DLC1: variants seen among roughly 807,000 people sequenced by gnomAD.
The protein encoded by DLC1 is rho GTPase-activating protein 7.
A neutral mutation model predicts 140.3 loss-of-function variants in DLC1; 54 were observed. The ratio of observed to expected loss-of-function variants is 0.38; its 90% confidence interval spans 0.31 to 0.48. The LOEUF (loss-of-function observed/expected upper bound fraction) is 0.48, where lower values mean the gene tolerates loss of function less well. DLC1 is among the 20% of genes least tolerant of loss of function. The probability of loss-of-function intolerance (pLI) is 0.96; values close to 1 mark genes in which losing one functional copy is unlikely to be tolerated. For synonymous variants in DLC1, 986 were observed against 728.1 expected (o/e 1.35, Z -5.70); for missense variants, 2,536 against 1,907.0 (o/e 1.33, Z -6.14).
At chr8:13,379,234 C>A (rs991197574) in intron 4 of DLC1, among the ~76,000 whole-genome samples, 1 of 152,130 alleles carries the variant, frequency 6.6e-6, no homozygotes, top group East Asian at 1.9e-4. Context: ...TTTTTACTTG[C>A]CTGGAGTCAG....
chr8:13,097,074 T>C (rs1217693480), intron 10 of DLC1, among the ~76,000 whole-genome samples: 1 of 152,176 alleles, frequency 6.6e-6, no homozygotes, highest in Non-Finnish European at 1.5e-5. Context: ...AGCTATATTT[T>C]TCAAAGTAAT....
intron 1 of DLC1, among the ~76,000 whole-genome samples, chr8:13,523,765 G>C (rs1343165520): frequency 2.0e-5 from 3 of 152,128 alleles, no homozygotes; most frequent in South Asian, 4.1e-4. Context: ...ATAAAGGAGA[G>C]AAAATACATG....
At position 13,544,568 on chromosome 8, in the gene DLC1, A is replaced by G. The variant is rs143417835; in HGVS notation, c.-125-44372T>C. Among the ~76,000 whole-genome samples the G allele has an allele frequency of 5.6e-3, 860 of 152,290 alleles. 10 individuals are homozygous for G. The highest frequency in any genetic ancestry group is 0.019 in the African/African-American group (809 of 41,568). On this transcript the variant is annotated intron_variant, in intron 1 of 1. Transcript: ENST00000631382. ...AACAGACAAAAGAACTGAAAAGTGT[A>G]GCAGCTGGGGCTGCTCCATTACATA...
intron 2 of DLC1, among the ~76,000 whole-genome samples, chr8:13,463,083 C>CAAA: frequency 6.6e-6 from 1 of 151,522 alleles, no homozygotes; most frequent in Admixed American, 6.6e-5. Context: ...AAAAAACAAA[C>CAAA]AAAAAACAAG....
intron 5 of DLC1, among the ~76,000 whole-genome samples, chr8:13,275,613 C>G (rs1353590916): frequency 6.6e-6 from 1 of 152,206 alleles, no homozygotes; most frequent in African/African-American, 2.4e-5. Context: ...CCTCACTGGA[C>G]CCCTGCAAAC....
At chr8:13,201,096 A>T (rs1205703045) in intron 5 of DLC1, among the ~76,000 whole-genome samples, 1 of 152,040 alleles carries the variant, frequency 6.6e-6, no homozygotes, top group African/African-American at 2.4e-5. Flanking sequence ...CTTCCCTTCA[A>T]ATAATAAAAC....
chr8:13,443,833 G>A (rs1174259513), intron 2 of DLC1, among the ~76,000 whole-genome samples: 1 of 152,046 alleles, frequency 6.6e-6, no homozygotes, highest in Non-Finnish European at 1.5e-5. Flanking sequence ...TTTATGGCAT[G>A]TCTTTGCTAT....
intron 1 of DLC1, among the ~76,000 whole-genome samples, chr8:13,571,022 T>C (rs1233347926): frequency 2.0e-5 from 3 of 152,156 alleles, no homozygotes; most frequent in Non-Finnish European, 4.4e-5. Flanking sequence ...ACCAGAAGTA[T>C]TTCTGTACTT....
chr8:13,293,184 T>C (rs989442365), intron 5 of DLC1, among the ~76,000 whole-genome samples: 2 of 152,248 alleles, frequency 1.3e-5, no homozygotes, highest in African/African-American at 4.8e-5. Context: ...GAGACATGAT[T>C]GCACTACTGC....
At chr8:13,527,651 C>G (rs555680559) in intron 1 of DLC1, among the ~76,000 whole-genome samples, 3 of 152,108 alleles carry the variant, frequency 2.0e-5, no homozygotes, top group East Asian at 3.9e-4. Flanking sequence ...TATGGCCAAT[C>G]ATATTGTTAT....
intron 5 of DLC1, among the ~76,000 whole-genome samples, chr8:13,220,972 G>A (rs995538567): frequency 2.0e-5 from 3 of 152,170 alleles, no homozygotes; most frequent in Non-Finnish European, 2.9e-5. Context: ...GCAGCCCCAC[G>A]TATGAGGGTG....
intron 1 of DLC1, among the ~76,000 whole-genome samples, chr8:13,561,196 C>A (rs944350054): frequency 3.3e-5 from 5 of 151,000 alleles, no homozygotes; most frequent in Non-Finnish European, 7.4e-5. Context: ...AATCATAGCT[C>A]ACTGCAGCCT....
At chr8:13,460,865 T>A (rs1437656928) in intron 2 of DLC1, among the ~76,000 whole-genome samples, 2 of 152,148 alleles carry the variant, frequency 1.3e-5, no homozygotes, top group Non-Finnish European at 2.9e-5. Flanking sequence ...CTCTATGGAG[T>A]TACAGTGGCT....
intron 1 of DLC1, among the ~76,000 whole-genome samples, chr8:13,593,753 T>C (rs1205832767): frequency 2.0e-5 from 3 of 152,106 alleles, no homozygotes. Context: ...TGGTTATTAG[T>C]TATACTCAGA....
chr8:13,442,809 A>G (rs1473636919), intron 2 of DLC1, among the ~76,000 whole-genome samples: 1 of 152,232 alleles, frequency 6.6e-6, no homozygotes, highest in Non-Finnish European at 1.5e-5. Flanking sequence ...TTCCTCTGGG[A>G]TCTAGAACTA....
intron 5 of DLC1, among the ~76,000 whole-genome samples, chr8:13,234,942 T>A (rs1383367431): frequency 6.6e-6 from 1 of 152,080 alleles, no homozygotes; most frequent in Non-Finnish European, 1.5e-5. Context: ...TTTGAGACCC[T>A]TAGTAAAAGT....
At chr8:13,391,896 T>C (rs17216404) in intron 4 of DLC1, among the ~76,000 whole-genome samples, 16,090 of 111,980 alleles carry the variant, frequency 0.14, 1,056 homozygotes, top group Non-Finnish European at 0.18. Flanking sequence ...CTGTCCCCAA[T>C]GTTGAAAAAA....
intron 4 of DLC1, among the ~76,000 whole-genome samples, chr8:13,335,315 T>C (rs1833774609): frequency 6.6e-6 from 1 of 152,192 alleles, no homozygotes; most frequent in Non-Finnish European, 1.5e-5. Flanking sequence ...TAAAGTACAG[T>C]AGAGTTCAAC....
chr8:13,170,258 A>G (rs956642556), intron 5 of DLC1, among the ~76,000 whole-genome samples: 3 of 152,200 alleles, frequency 2.0e-5, no homozygotes, highest in Non-Finnish European at 4.4e-5. Context: ...TGAAGAGCCA[A>G]AGAGTTCTTG....
Sources: gnomAD v4.1 joint callset for allele counts (sites outside exome capture counted in the v4.1 genomes callset) on GRCh38, gnomAD v4.1.1 for gene constraint, MANE v1.5 for transcripts, NCBI Gene and HGNC (gene_info 2026-07-23, HGNC 2026-07-21) for gene names.